The following SNRK variants were observed in gnomAD, a reference collection of about 807,000 sequenced individuals.
SNRK encodes SNF related kinase.
A neutral mutation model predicts 48.2 loss-of-function variants in SNRK; 3 were observed. The ratio of observed to expected loss-of-function variants is 0.06; its 90% CI spans 0.03 to 0.16. SNRK has a LOEUF of 0.16. Among genes scored for constraint, SNRK ranks in the 10% least tolerant of loss-of-function variants. The pLI, the probability that SNRK is intolerant of heterozygous loss-of-function variation, is 1.00. For synonymous variants in SNRK, 376 were observed against 366.1 expected, an observed-to-expected ratio of 1.03 and a Z score of -0.31; for missense variants, 627 against 976.0, an observed-to-expected ratio of 0.64 and a Z score of 4.76.
chr3:43,297,969 G>A (rs141428685), intron 1 of SNRK, among the ~76,000 whole-genome samples: 97 of 152,148 alleles, frequency 6.4e-4, no homozygotes, highest in Non-Finnish European at 1.2e-3. Context: ...GAATTCATTC[G>A]CTTGAAGTAG....
In SNRK at chr3:43,350,881, T is replaced by G. The variant is rs2091318199; in HGVS notation, c.*2324T>G. On this transcript the variant is annotated 3_prime_UTR_variant, in exon 7 of 7. Coordinates refer to ENST00000296088, the MANE Select transcript of SNRK (RefSeq NM_017719.5). The stretch of plus-strand genomic sequence containing the variant: ...GTATGTGTGTATATATATATAATTA[T>G]GTACTTCTGGCAATTCTATCTGTAT... 1 of 152,642 alleles carries G rather than the reference T, an allele frequency of 6.6e-6. No homozygotes were observed. The highest frequency in any genetic ancestry group is 1.5e-5 in the Non-Finnish European group (1 of 68,046). The allele number at this position is 152,642 out of a possible 1,614,324, so 9.5% of individuals were successfully genotyped here. A position where few individuals can be genotyped will look rare whatever the true frequency, so the allele number is the denominator to read the frequency against.
intron 3 of SNRK, among the ~76,000 whole-genome samples, chr3:43,310,118 G>A (rs1456458190): frequency 6.6e-6 from 1 of 152,146 alleles, no homozygotes; most frequent in East Asian, 1.9e-4. Flanking sequence ...GCTGAGGTAT[G>A]CCTGTGTATA....
intron 4 of SNRK, among the ~76,000 whole-genome samples, chr3:43,337,116 C>T (rs2091196044): frequency 6.6e-6 from 1 of 151,652 alleles, no homozygotes; most frequent in Admixed American, 6.6e-5. Context: ...ATCTGTCGCC[C>T]AGGCTCGAGT....
intron 4 of SNRK, among the ~76,000 whole-genome samples, chr3:43,338,806 A>G (rs2125644214): frequency 6.6e-6 from 1 of 152,118 alleles, no homozygotes; most frequent in Non-Finnish European, 1.5e-5. Context: ...AGCCCTATTT[A>G]GTTTTTTCTC....
At chr3:43,294,405 C>T (rs921634805) in intron 1 of SNRK, among the ~76,000 whole-genome samples, 2 of 152,002 alleles carry the variant, frequency 1.3e-5, no homozygotes, top group South Asian at 2.1e-4. Context: ...AATTTTATAC[C>T]CCATTTTTAA....
rs192737915 is a variant in SNRK, at chr3:43,347,910, C to T, written c.1651C>T (p.Arg551Trp). ...GACCAGTGATGATGATTCTGAAAGC[C>T]GGCGGCGGCTCGATAAAGATAGCGG... ...SETSDDDSES[R>W]RRLDKDSGFT... Residue 551 changes from arginine to tryptophan, a missense_variant, in exon 7 of 7, where the codon CGG (arginine) becomes TGG (tryptophan). This residue lies in a region of SNRK where 98 missense variants were observed against 175.2 expected (regional missense o/e 0.56). Coordinates refer to ENST00000296088, the MANE Select transcript of SNRK (RefSeq NM_017719.5). The surrounding 1 kb of genome is among the most constrained non-coding windows in gnomAD (Gnocchi z 5.4). The T allele has an allele frequency of 3.1e-6, 5 of 1,614,138 alleles. No individual in the cohort carries two copies. The highest frequency in any genetic ancestry group is 1.7e-5 in the Admixed American group (1 of 60,020).
intron 3 of SNRK, among the ~76,000 whole-genome samples, chr3:43,316,508 T>G (rs748736985): frequency 6.6e-6 from 1 of 152,206 alleles, no homozygotes; most frequent in Admixed American, 6.5e-5. Flanking sequence ...TTTTAGACAT[T>G]AGTGGAAAAA....
chr3:43,301,181 GA>G (rs2090895322), intron 2 of SNRK, among the ~76,000 whole-genome samples: 1 of 152,170 alleles, frequency 6.6e-6, no homozygotes, highest in Non-Finnish European at 1.5e-5. Flanking sequence ...TATTAACATT[GA>G]CTTTTTGAAC....
Position 43,348,431 on chromosome 3 carries a change from G to A in SNRK, c.2172G>A (p.Lys724=), listed in dbSNP as rs779935636. 1 of 1,612,010 alleles carries A rather than the reference G, an allele frequency of 6.2e-7. No individual in the cohort carries two copies. The highest frequency in any genetic ancestry group is 8.5e-7 in the Non-Finnish European group (1 of 1,179,184). ...CTGAATTGGAACGGATAAAGAGCAA[G>A]AACCTGAAAAATAACGTGCTGCAGC... ...TTTELERIKS[K]NLKNNVLQLP... Residue 724 remains lysine (K), a synonymous_variant, in exon 7 of 7, where the codon AAG becomes AAA. Transcript: ENST00000296088.
At chr3:43,337,611 A>C (rs1170768559) in intron 4 of SNRK, among the ~76,000 whole-genome samples, 1 of 151,992 alleles carries the variant, frequency 6.6e-6, no homozygotes, top group Non-Finnish European at 1.5e-5. Context: ...TCCATTTCAT[A>C]CTGCTACAAA....
chr3:43,329,745 A>G (rs765435342), intron 3 of SNRK, among the ~76,000 whole-genome samples: 5 of 152,176 alleles, frequency 3.3e-5, no homozygotes, highest in African/African-American at 4.8e-5. Context: ...GTATCACATC[A>G]TAACAAGCCG....
intron 3 of SNRK, among the ~76,000 whole-genome samples, chr3:43,326,963 A>G (rs2091101147): frequency 6.6e-6 from 1 of 152,224 alleles, no homozygotes; most frequent in African/African-American, 2.4e-5. Flanking sequence ...CAGGAATACT[A>G]GACATATCAG....
At chr3:43,305,480 A>AC (rs1365896816) in intron 3 of SNRK, among the ~76,000 whole-genome samples, 5 of 132,952 alleles carry the variant, frequency 3.8e-5, no homozygotes, top group African/African-American at 1.4e-4. Flanking sequence ...TTTATATACA[A>AC]TTTTTTTTTT....
chr3:43,342,647 A>G (rs6775392), intron 5 of SNRK, among the ~76,000 whole-genome samples: 149,397 of 152,332 alleles, frequency 0.98, 73,324 homozygotes, highest in East Asian at 1. Context: ...GCCAAAGCAC[A>G]CTCCTAGTAT....
chr3:43,340,206 C>A, intron 4 of SNRK, 81 bp from the exon 5 acceptor site: 1 of 1,112,942 alleles, frequency 9.0e-7, no homozygotes, highest in Non-Finnish European at 1.4e-6. Context: ...TATAGGAAAT[C>A]ATTTTTGTTA....
intron 6 of SNRK, among the ~76,000 whole-genome samples, chr3:43,344,893 T>C (rs1341902906): frequency 6.6e-6 from 1 of 151,708 alleles, no homozygotes; most frequent in African/African-American, 2.4e-5. Context: ...GAAGAGAATA[T>C]TTAGATTTGA....
At chr3:43,309,760 G>A (rs1296314216) in intron 3 of SNRK, among the ~76,000 whole-genome samples, 1 of 152,102 alleles carries the variant, frequency 6.6e-6, no homozygotes, top group Non-Finnish European at 1.5e-5. Flanking sequence ...GGGACTACAG[G>A]CGTGCACCAC....
chr3:43,341,304 C>T (rs2091234902), intron 5 of SNRK, among the ~76,000 whole-genome samples: 1 of 152,126 alleles, frequency 6.6e-6, no homozygotes, highest in Admixed American at 6.5e-5. Flanking sequence ...GTGCCTGCAA[C>T]CACGCCCGGC....
At position 43,347,665 on chromosome 3, in the gene SNRK, G is replaced by A. The variant is rs371900831; in HGVS notation, c.1406G>A (p.Arg469Gln). 135 of 1,613,554 alleles carry A rather than the reference G, an allele frequency of 8.4e-5. No homozygotes were observed. The highest frequency in any genetic ancestry group is 1.0e-4 in the Non-Finnish European group (122 of 1,180,022). Residue 469 changes from arginine to glutamine, a missense_variant, in exon 7 of 7, where the codon CGG (arginine) becomes CAG (glutamine). This residue lies in a region of SNRK where 98 missense variants were observed against 175.2 expected (regional missense o/e 0.56). Transcript: ENST00000296088. This position sits in a 1 kb window ranked among gnomAD's most constrained non-coding sequence, Gnocchi z 5.4. ...MSLSTQVVLR[R>Q]KPSVTNRLTS... Reference sequence around the variant, plus strand: ...CTCTCAACACAAGTGGTTTTGCGCCGGAAGCCATCTGTAACCAACCGCCTG... The same window carrying A: ...CTCTCAACACAAGTGGTTTTGCGCCAGAAGCCATCTGTAACCAACCGCCTG...
Sources: allele counts gnomAD v4.1 joint callset (sites outside exome capture counted in the v4.1 genomes callset), GRCh38; gene constraint gnomAD v4.1.1; regional missense constraint gnomAD v4.1.1; non-coding constraint Gnocchi (gnomAD v3.1); transcripts MANE v1.5; gene names NCBI Gene and HGNC (gene_info 2026-07-23, HGNC 2026-07-21).